CNTNAP5: variants seen among roughly 807,000 people sequenced by gnomAD.
CNTNAP5 encodes the protein contactin associated protein family member 5.
Under a neutral mutation model 150.2 loss-of-function variants are expected in CNTNAP5, and 72 were observed. The observed-to-expected ratio is 0.48, with a 90% CI of 0.40 to 0.58. The LOEUF (loss-of-function observed/expected upper bound fraction) is 0.58. Ranked by LOEUF, CNTNAP5 falls within the 20% of genes least tolerant of loss-of-function variation. The pLI, the probability that CNTNAP5 is intolerant of heterozygous loss-of-function variation, is 0.00. For missense variants in CNTNAP5, 1,636 were observed against 1,626.2 expected (o/e 1.01, Z -0.10); for synonymous variants, 672 against 619.8 (o/e 1.08, Z -1.25).
chr2:124,731,422 T>C (rs1206550344), intron 13 of CNTNAP5, among the ~76,000 whole-genome samples: 1 of 151,866 alleles, frequency 6.6e-6, no homozygotes, highest in African/African-American at 2.4e-5. Flanking sequence ...GTAGATAGGA[T>C]TGTGATAAAT....
intron 12 of CNTNAP5, among the ~76,000 whole-genome samples, chr2:124,626,180 T>C (rs1677718332): frequency 1.3e-5 from 2 of 152,116 alleles, no homozygotes; most frequent in Admixed American, 1.3e-4. Context: ...GGAAGCATTA[T>C]GGGAGACACT....
At chr2:124,744,161 AG>A (rs1396488752) in intron 13 of CNTNAP5, among the ~76,000 whole-genome samples, 1 of 152,106 alleles carries the variant, frequency 6.6e-6, no homozygotes, top group Non-Finnish European at 1.5e-5. Flanking sequence ...GGGAGGGACC[AG>A]GTGGGAGATA....
Position 124,036,977 on chromosome 2 carries a change from C to T in CNTNAP5, c.82+11245C>T, listed in dbSNP as rs180788281. 3.4e-4 allele frequency among the ~76,000 whole-genome samples: 52 copies of T among 152,310 alleles called. No individual in the cohort carries two copies. In the East Asian group the frequency reaches 6.6e-3, roughly 19 times the overall value. On this transcript the variant is annotated intron_variant, in intron 1 of 23. Transcript: ENST00000682447. The stretch of plus-strand genomic sequence containing the variant: ...TATTGTTAAACTCCAGCAGATAATT[C>T]GTCCTAGCAAAGACAGTCTTTCCCT...
chr2:124,747,787 T>TC (rs1680640721), intron 14 of CNTNAP5, among the ~76,000 whole-genome samples: 1 of 121,586 alleles, frequency 8.2e-6, no homozygotes, highest in African/African-American at 3.3e-5. Flanking sequence ...TCCTAACTCT[T>TC]CTTTTTTTTT....
At chr2:124,782,286 G>A (rs906017515) in intron 17 of CNTNAP5, among the ~76,000 whole-genome samples, 1 of 152,116 alleles carries the variant, frequency 6.6e-6, no homozygotes, top group Admixed American at 6.5e-5. Flanking sequence ...ATGCCCAGCA[G>A]GAAAATATGG....
chr2:124,627,516 C>A (rs1343083061), intron 12 of CNTNAP5, among the ~76,000 whole-genome samples: 11 of 115,436 alleles, frequency 9.5e-5, no homozygotes. Context: ...AAAGCAACAA[C>A]AACATCAAAA....
At chr2:124,233,008 A>G (rs1429232523) in intron 2 of CNTNAP5, among the ~76,000 whole-genome samples, 1 of 151,378 alleles carries the variant, frequency 6.6e-6, no homozygotes, top group Non-Finnish European at 1.5e-5. Context: ...ATTAAGCTGA[A>G]CATTCATTTT....
intron 19 of CNTNAP5, among the ~76,000 whole-genome samples, chr2:124,814,536 C>G (rs1682308272): frequency 7.0e-6 from 1 of 141,956 alleles, no homozygotes; most frequent in South Asian, 2.8e-4. Context: ...GACAACTTTT[C>G]TTAGTGAAAT....
chr2:124,295,309 C>T (rs939433272), intron 3 of CNTNAP5, among the ~76,000 whole-genome samples: 4 of 74,116 alleles, frequency 5.4e-5, no homozygotes, highest in Admixed American at 2.7e-4. Flanking sequence ...GTGGGAGAGT[C>T]GTTTATATGG....
At chr2:124,171,284 G>GTA (rs1216130428) in intron 1 of CNTNAP5, among the ~76,000 whole-genome samples, 2 of 152,184 alleles carry the variant, frequency 1.3e-5, no homozygotes, top group African/African-American at 4.8e-5. Flanking sequence ...AGGAGCTGAA[G>GTA]TATATTTTCT....
chr2:124,348,888 T>G (rs1190332616), intron 3 of CNTNAP5, among the ~76,000 whole-genome samples: 1 of 152,178 alleles, frequency 6.6e-6, no homozygotes, highest in Non-Finnish European at 1.5e-5. Flanking sequence ...TTATCTATTA[T>G]CTATGTATAA....
At chr2:124,883,410 A>G (rs1457568418) in intron 21 of CNTNAP5, among the ~76,000 whole-genome samples, 1 of 151,926 alleles carries the variant, frequency 6.6e-6, no homozygotes, top group Non-Finnish European at 1.5e-5. Flanking sequence ...GGAGCTGCAG[A>G]GGTTACTTTG....
At chr2:124,810,779 T>C (rs190378294) in intron 19 of CNTNAP5, among the ~76,000 whole-genome samples, 32 of 152,158 alleles carry the variant, frequency 2.1e-4, no homozygotes, top group African/African-American at 7.2e-4. Context: ...GGGCATGCTA[T>C]TGCCCTCCCA....
chr2:124,813,655 A>G (rs2104660826), intron 19 of CNTNAP5, among the ~76,000 whole-genome samples: 1 of 151,628 alleles, frequency 6.6e-6, no homozygotes, highest in South Asian at 2.1e-4. Flanking sequence ...CCAACTCCTC[A>G]GCTAGATCTG....
intron 13 of CNTNAP5, among the ~76,000 whole-genome samples, chr2:124,713,239 CT>C (rs761730028): frequency 5.2e-5 from 3 of 57,414 alleles, no homozygotes; most frequent in African/African-American, 2.1e-4. Context: ...TTCTTTCTTT[CT>C]TTCTCTTTCT....
chr2:124,378,377 A>G (rs1558875009), intron 3 of CNTNAP5, among the ~76,000 whole-genome samples: 1 of 152,008 alleles, frequency 6.6e-6, no homozygotes, highest in Admixed American at 6.6e-5. Flanking sequence ...TCTAACTCCC[A>G]CTGGTAGGAT....
intron 4 of CNTNAP5, among the ~76,000 whole-genome samples, chr2:124,423,536 T>G (rs1329994898): frequency 1.3e-5 from 2 of 152,046 alleles, no homozygotes; most frequent in African/African-American, 4.8e-5. Context: ...TTTTTGTATT[T>G]TTTAGTAGAG....
At chr2:124,769,371 C>T (rs1168021819) in intron 16 of CNTNAP5, among the ~76,000 whole-genome samples, 1 of 151,936 alleles carries the variant, frequency 6.6e-6, no homozygotes, top group Non-Finnish European at 1.5e-5. Context: ...GTGCCTAGCA[C>T]AGGGTCTGGC....
intron 3 of CNTNAP5, among the ~76,000 whole-genome samples, chr2:124,327,880 C>G (rs1689260006): frequency 6.6e-6 from 1 of 152,100 alleles, no homozygotes; most frequent in Non-Finnish European, 1.5e-5. Context: ...TGTTAAGGAC[C>G]TATCCTTAAC....
Sources: gnomAD v4.1 joint callset for allele counts (sites outside exome capture counted in the v4.1 genomes callset) on GRCh38, gnomAD v4.1.1 for gene constraint, MANE v1.5 for transcripts, NCBI Gene and HGNC (gene_info 2026-07-23, HGNC 2026-07-21) for gene names.